The following CAMSAP1 variants were observed in gnomAD, a reference collection of about 807,000 sequenced individuals.
CAMSAP1 encodes the protein calmodulin regulated spectrin associated protein 1.
In CAMSAP1, 58 loss-of-function variants were observed where a neutral mutation model predicts 143.5. That is an observed-to-expected ratio of 0.40 (90% CI 0.33 to 0.50). The LOEUF (loss-of-function observed/expected upper bound fraction) is 0.50, where lower values mean the gene tolerates loss of function less well. Among genes scored for constraint, CAMSAP1 ranks in the 20% least tolerant of loss-of-function variants. The pLI is 0.45. For synonymous variants in CAMSAP1, 945 were observed against 859.3 expected (o/e 1.10, Z -1.74); for missense variants, 1,969 against 2,115.7 (o/e 0.93, Z 1.36).
intron 7 of CAMSAP1, among the ~76,000 whole-genome samples, chr9:135,840,846 C>A (rs1836316976): frequency 6.6e-6 from 1 of 152,224 alleles, no homozygotes; most frequent in Admixed American, 6.5e-5. Context: ...ACAGTCTTCG[C>A]AACCCACAGA....
chr9:135,818,290 C>A lies in CAMSAP1; in HGVS notation c.4168+118G>T, dbSNP rs1021209995. On this transcript the variant is annotated intron_variant, in intron 13 of 16. Transcript: ENST00000389532. The surrounding 1 kb of genome is among the most constrained non-coding windows in gnomAD (Gnocchi z 7.7). Reference sequence around the variant, plus strand: ...TTGTCATCCATGAAACGGGGATAATCATCTCCACCCTTCCCGCCTCACACC... The same window carrying A: ...TTGTCATCCATGAAACGGGGATAATAATCTCCACCCTTCCCGCCTCACACC... The A allele has an allele frequency of 2.5e-6, 3 of 1,192,812 alleles. No individual in the cohort carries two copies. In the African/African-American group the frequency reaches 4.6e-5, roughly 18 times the overall value. 73.9% of individuals were successfully genotyped at this position (1,192,812 alleles called of 1,614,324 possible). A position where few individuals can be genotyped will look rare whatever the true frequency, so the allele number is the denominator to read the frequency against.
chr9:135,818,919 G>A lies in CAMSAP1; in HGVS notation c.3959+91C>T. ...ACCGTCACAGGCACTCATTGCCATG[G>A]TCCATGCTCAGTGCCAGCAACGGGA... is the stretch of plus-strand genomic sequence containing the variant. On this transcript the variant is annotated intron_variant, in intron 12 of 16. Coordinates refer to ENST00000389532, the MANE Select transcript of CAMSAP1 (RefSeq NM_015447.4). This position sits in a 1 kb window ranked among gnomAD's most constrained non-coding sequence, Gnocchi z 7.7. 1 of 1,528,916 alleles carries A rather than the reference G, an allele frequency of 6.5e-7. No individual in the cohort carries two copies. The highest frequency in any genetic ancestry group is 1.2e-5 in the South Asian group (1 of 83,884). The allele number at this position is 1,528,916 out of a possible 1,614,324, so 94.7% of individuals were successfully genotyped here.
chr9:135,839,137 G>T (rs1336626678), intron 7 of CAMSAP1, among the ~76,000 whole-genome samples: 1 of 152,154 alleles, frequency 6.6e-6, no homozygotes, highest in Non-Finnish European at 1.5e-5. Context: ...TTCTGCTCCT[G>T]TATGAGCCTA....
intron 5 of CAMSAP1, among the ~76,000 whole-genome samples, chr9:135,860,051 A>AT (rs1281097942): frequency 1.3e-5 from 2 of 151,012 alleles, no homozygotes; most frequent in East Asian, 2.0e-4. Context: ...CAAAAAAAAA[A>AT]AAAATAAAAA....
At chr9:135,866,568 A>C in intron 3 of CAMSAP1, 32 bp from the exon 4 acceptor site, 1 of 1,015,482 alleles carries the variant, frequency 9.8e-7, no homozygotes, top group Non-Finnish European at 1.5e-6. Context: ...TTAAAGAGGT[A>C]ATTGCTGTCC....
intron 1 of CAMSAP1, among the ~76,000 whole-genome samples, chr9:135,894,706 T>C (rs1349295949): frequency 6.6e-6 from 1 of 152,176 alleles, no homozygotes; most frequent in African/African-American, 2.4e-5. Flanking sequence ...TGACTACTGC[T>C]AAAATAAAAC....
rs1348094500 is a variant in CAMSAP1 at position 135,826,741 on chromosome 9, G to A, written c.1223+666C>T. On this transcript the variant is annotated intron_variant, in intron 8 of 16. Transcript: ENST00000389532. The surrounding 1 kb of genome is among the most constrained non-coding windows in gnomAD (Gnocchi z 4.4). Reference sequence around the variant, plus strand: ...CGGTGTGCTAACTGGCTCCAGGCTGGCATCAGCTGTGGGTCCTCCTACCAC... The same window carrying A: ...CGGTGTGCTAACTGGCTCCAGGCTGACATCAGCTGTGGGTCCTCCTACCAC... 2.0e-5 allele frequency among the ~76,000 whole-genome samples: 3 copies of A among 152,092 alleles called. No homozygotes were observed. The highest frequency in any genetic ancestry group is 2.9e-5 in the Non-Finnish European group (2 of 68,020).
intron 3 of CAMSAP1, among the ~76,000 whole-genome samples, chr9:135,872,808 C>G (rs1035468626): frequency 1.4e-4 from 21 of 152,156 alleles, no homozygotes; most frequent in African/African-American, 4.6e-4. Flanking sequence ...CAACTAATAT[C>G]GAAAACTTGA....
chr9:135,850,143 TC>T lies in CAMSAP1; in HGVS notation c.1038del (p.Asp348ThrfsTer26), dbSNP rs1836721377. The T allele has an allele frequency of 6.2e-7, 1 of 1,607,800 alleles. No individual in the cohort carries two copies. Among genetic ancestry groups the T allele is most frequent in the Non-Finnish European group, 8.5e-7 (1 of 1,177,484 alleles). Reference sequence around the variant, plus strand: ...GGGAATATCTGTCACTCACCGTCTTTCAGCTCCTGAACATCCCTGGGCTGAA... The same window carrying T: ...GGGAATATCTGTCACTCACCGTCTTTAGCTCCTGAACATCCCTGGGCTGAA... Reference protein sequence around the residue: ...DFVQPRDVQELKDAKTVLHQK... With the variant: ...DFVQPRDVQEXKDAKTVLHQK... On this transcript the variant is annotated frameshift_variant, in exon 7 of 17. Coordinates refer to ENST00000389532, the MANE Select transcript of CAMSAP1 (RefSeq NM_015447.4). LOFTEE classifies it high-confidence loss of function.
chr9:135,843,484 G>T (rs527833655), intron 7 of CAMSAP1, among the ~76,000 whole-genome samples: 82 of 151,868 alleles, frequency 5.4e-4, no homozygotes, highest in Middle Eastern at 3.4e-3. Context: ...GAAGCAGGGG[G>T]TGCAATCCTA....
intron 1 of CAMSAP1, among the ~76,000 whole-genome samples, chr9:135,902,505 T>G (rs989302877): frequency 6.6e-6 from 1 of 152,212 alleles, no homozygotes; most frequent in Non-Finnish European, 1.5e-5. Context: ...AAAGGGGCTC[T>G]GAGCACAGAT....
At chr9:135,858,498 C>A (rs541532038) in intron 5 of CAMSAP1, among the ~76,000 whole-genome samples, 52 of 152,202 alleles carry the variant, frequency 3.4e-4, no homozygotes, top group Admixed American at 3.3e-3. Flanking sequence ...CCCCTATGAT[C>A]CATGAAATAT....
chr9:135,876,698 T>C (rs1837761479), intron 3 of CAMSAP1, among the ~76,000 whole-genome samples: 1 of 152,194 alleles, frequency 6.6e-6, no homozygotes, highest in Admixed American at 6.5e-5. Flanking sequence ...ATTCTACTCC[T>C]AAATTTTTAC....
Position 135,822,123 on chromosome 9 carries a change from C to T in CAMSAP1, c.2538G>A (p.Glu846=), listed in dbSNP as rs746574393. ...SSQKTTPDAS[E]SCPAPLTTWR... Reference sequence around the variant, plus strand: ...ACGTCGTCAGAGGGGCTGGGCAGCTCTCAGACGCATCTGGCGTGGTCTTCT... The same window carrying T: ...ACGTCGTCAGAGGGGCTGGGCAGCTTTCAGACGCATCTGGCGTGGTCTTCT... The change falls in exon 11 of 17, where the codon GAG becomes GAA. Residue 846 remains glutamate (E), a synonymous_variant. Coordinates refer to ENST00000389532, the MANE Select transcript of CAMSAP1 (RefSeq NM_015447.4). The surrounding 1 kb of genome is among the most constrained non-coding windows in gnomAD (Gnocchi z 6.1). 3 of 1,612,416 alleles carry T rather than the reference C, an allele frequency of 1.9e-6. No individual in the cohort carries two copies. Among genetic ancestry groups the T allele is most frequent in the Admixed American group, 3.3e-5 (2 of 59,952 alleles).
At chr9:135,905,360 G>T (rs1216369361) in intron 1 of CAMSAP1, among the ~76,000 whole-genome samples, 1 of 152,232 alleles carries the variant, frequency 6.6e-6, no homozygotes, top group East Asian at 1.9e-4. Flanking sequence ...AAATTGGAAA[G>T]CAGATCGTGA....
intron 3 of CAMSAP1, among the ~76,000 whole-genome samples, chr9:135,869,985 G>A (rs1390690333): frequency 6.6e-6 from 1 of 152,198 alleles, no homozygotes; most frequent in Non-Finnish European, 1.5e-5. Flanking sequence ...GCAAACCCAT[G>A]GATACAGAGT....
intron 7 of CAMSAP1, among the ~76,000 whole-genome samples, chr9:135,832,409 G>C (rs1835887256): frequency 6.6e-6 from 1 of 152,112 alleles, no homozygotes. Flanking sequence ...TATAGAAGGA[G>C]CTTACCTCCT....
At chr9:135,906,954 C>T in intron 1 of CAMSAP1, 46 bp downstream of exon 1, 1 of 992,614 alleles carries the variant, frequency 1.0e-6, no homozygotes, top group Non-Finnish European at 1.2e-6. Context: ...CCCCCGGCCC[C>T]GGCCCGCGCC....
chr9:135,855,116 C>T (rs568841117), intron 5 of CAMSAP1, among the ~76,000 whole-genome samples: 5 of 152,038 alleles, frequency 3.3e-5, no homozygotes, highest in Non-Finnish European at 5.9e-5. Flanking sequence ...CTGAGCCTCC[C>T]GAGTAGCTGA....
Sources: allele counts gnomAD v4.1 joint callset (sites outside exome capture counted in the v4.1 genomes callset), GRCh38; gene constraint gnomAD v4.1.1; non-coding constraint Gnocchi (gnomAD v3.1); transcripts MANE v1.5; gene names NCBI Gene and HGNC (gene_info 2026-07-23, HGNC 2026-07-21).